The following INTS4 variants were observed in gnomAD, a reference collection of about 807,000 sequenced individuals.
INTS4 encodes MSTP093.
In INTS4, 70 loss-of-function variants were observed where a neutral mutation model predicts 119.5. The observed-to-expected ratio is 0.59, with a 90% CI of 0.48 to 0.71. The LOEUF is 0.71. INTS4 is among the 30% of genes least tolerant of loss of function. The pLI, the probability that INTS4 is intolerant of heterozygous loss-of-function variation, is 0.00. For missense variants in INTS4, 867 were observed against 1,173.2 expected, an observed-to-expected ratio of 0.74 and a Z score of 3.81; for synonymous variants, 316 against 419.6, an observed-to-expected ratio of 0.75 and a Z score of 3.02.
intron 2 of INTS4, among the ~76,000 whole-genome samples, chr11:77,985,274 G>A (rs1338432884): frequency 2.0e-5 from 3 of 152,048 alleles, no homozygotes; most frequent in Non-Finnish European, 4.4e-5. Flanking sequence ...AGAATACAAG[G>A]CCCTTTAGAA....
chr11:77,990,368 G>A (rs1166776824), intron 2 of INTS4, among the ~76,000 whole-genome samples: 1 of 152,122 alleles, frequency 6.6e-6, no homozygotes, highest in Non-Finnish European at 1.5e-5. Flanking sequence ...TCTAGGCTGG[G>A]TGACAGTGAG....
At position 77,963,352 on chromosome 11, in the gene INTS4, C is replaced by CAAAAAAAAA. The variant is rs777966254; in HGVS notation, c.472-2223_472-2215dup. The CAAAAAAAAA allele has an allele frequency of 3.3e-3, 589 of 176,652 alleles. 4 individuals carry two copies. Among genetic ancestry groups the CAAAAAAAAA allele is most frequent in the Middle Eastern group, 6.4e-3 (3 of 472 alleles). The allele number at this position is 176,652 out of a possible 1,614,324, so 10.9% of individuals were successfully genotyped here. On this transcript the variant is annotated intron_variant, in intron 4 of 22. Coordinates refer to ENST00000534064, the MANE Select transcript of INTS4 (RefSeq NM_033547.4). ...CCGGGCGCAGAACGAGACTCCGTCT[C>CAAAAAAAAA]AAAAAAAAAAAAAAAAAAAAAACAA...
intron 8 of INTS4, among the ~76,000 whole-genome samples, chr11:77,954,946 T>C (rs1954283041): frequency 6.6e-6 from 1 of 152,222 alleles, no homozygotes; most frequent in African/African-American, 2.4e-5. Context: ...GCTCCGGCTA[T>C]CTTAATTCCT....
At chr11:77,881,467 G>A (rs1412280196) in intron 22 of INTS4, among the ~76,000 whole-genome samples, 2 of 152,176 alleles carry the variant, frequency 1.3e-5, no homozygotes, top group Non-Finnish European at 2.9e-5. Flanking sequence ...GCCCCAAACC[G>A]GAAGGGACAT....
At chr11:77,981,410 G>C (rs1245006071) in intron 3 of INTS4, 49 bp downstream of exon 3, 5 of 888,270 alleles carry the variant, frequency 5.6e-6, no homozygotes, top group Non-Finnish European at 8.3e-6. Context: ...TATACAAAAA[G>C]AACTAAATAT....
intron 13 of INTS4, 133 bp downstream of exon 13, chr11:77,922,221 CTG>C: frequency 1.9e-6 from 2 of 1,071,148 alleles, no homozygotes; most frequent in Non-Finnish European, 2.5e-6. Context: ...GAATGAGACT[CTG>C]TCTTCAAAAA....
intron 21 of INTS4, among the ~76,000 whole-genome samples, chr11:77,890,933 C>T (rs1952235053): frequency 6.6e-6 from 1 of 152,118 alleles, no homozygotes; most frequent in African/African-American, 2.4e-5. Flanking sequence ...ATCTGCCAGC[C>T]GACTGACTCA....
At chr11:77,972,978 C>T (rs886989920) in intron 4 of INTS4, among the ~76,000 whole-genome samples, 1 of 151,764 alleles carries the variant, frequency 6.6e-6, no homozygotes, top group African/African-American at 2.4e-5. Flanking sequence ...ATAGCGGAGA[C>T]AACAGGCAAG....
rs1349717931 is a variant in INTS4, at chr11:77,891,784, T to A, written c.2345A>T (p.Asp782Val). ...GGATGTCATGAGTCGGGGCATAAGG[T>A]CAAGGAGTTTGTCCACAAAGCTGTC... ...LQDSFVDKLL[D>V]LMPRLMTSKP... Residue 782 changes from aspartate (D) to valine (V), a missense_variant, in exon 20 of 23, where the codon GAC (aspartate) becomes GTC (valine). Coordinates refer to ENST00000534064, the MANE Select transcript of INTS4 (RefSeq NM_033547.4). The A allele has an allele frequency of 9.3e-6, 15 of 1,611,922 alleles. No individual in the cohort carries two copies. Among genetic ancestry groups the A allele is most frequent in the Non-Finnish European group, 1.3e-5 (15 of 1,179,834 alleles).
At position 77,921,487 on chromosome 11, in the gene INTS4, G is replaced by C. The variant is rs1162898318; in HGVS notation, c.1631-14C>G. ...AAACTGCAATATCTGATAGATGACTGGGTTAAGTAAACTTGGAAGTATAAA... is the reference window on the plus strand; with the variant it reads ...AAACTGCAATATCTGATAGATGACTCGGTTAAGTAAACTTGGAAGTATAAA... On this transcript the variant is annotated splice_polypyrimidine_tract_variant and intron_variant, in intron 13 of 22. Transcript: ENST00000534064. 6.3e-7 allele frequency: 1 copy of C among 1,589,080 alleles called. No individual in the cohort carries two copies. The highest frequency in any genetic ancestry group is 1.7e-5 in the Admixed American group (1 of 59,810).
In INTS4 at chr11:77,928,382, A is replaced by C. The variant is rs1953562359; in HGVS notation, c.1331T>G (p.Leu444Arg). 1 of 1,612,922 alleles carries C rather than the reference A, an allele frequency of 6.2e-7. No homozygotes were observed. The highest frequency in any genetic ancestry group is 8.5e-7 in the Non-Finnish European group (1 of 1,179,334). Residue 444 changes from leucine to arginine, a missense_variant, in exon 11 of 23, where the codon CTC (leucine) becomes CGC (arginine). This residue lies in a region of INTS4 where 208 missense variants were observed against 306.6 expected (regional missense o/e 0.68). Coordinates refer to ENST00000534064, the MANE Select transcript of INTS4 (RefSeq NM_033547.4). ...TMRKISNNITLREDQLDTVLA... is the reference protein window; with the variant it reads ...TMRKISNNITRREDQLDTVLA... ...GACAGTGTCAAGCTGATCTTCTCGG[A>C]GGGTGATGTTGTTAGAGATTTTTCT... is the stretch of plus-strand genomic sequence containing the variant.
intron 10 of INTS4, among the ~76,000 whole-genome samples, chr11:77,932,440 T>C (rs1285513253): frequency 6.6e-6 from 1 of 152,102 alleles, no homozygotes; most frequent in Non-Finnish European, 1.5e-5. Context: ...TGGCGATCAT[T>C]AAAAAGTCAG....
At chr11:77,936,570 T>C (rs1953795880) in intron 10 of INTS4, among the ~76,000 whole-genome samples, 1 of 152,124 alleles carries the variant, frequency 6.6e-6, no homozygotes, top group Non-Finnish European at 1.5e-5. Flanking sequence ...TTTGTAGAGA[T>C]AGGGTCTCCT....
chr11:77,907,238 C>T (rs1027578677), intron 16 of INTS4, among the ~76,000 whole-genome samples: 1 of 152,116 alleles, frequency 6.6e-6, no homozygotes, highest in African/African-American at 2.4e-5. Context: ...CCACACCTGC[C>T]TACTTTAAAT....
intron 9 of INTS4, among the ~76,000 whole-genome samples, chr11:77,939,813 C>T (rs547325684): frequency 6.6e-6 from 1 of 151,616 alleles, no homozygotes; most frequent in Non-Finnish European, 1.5e-5. Context: ...CCACTGCACT[C>T]CAGCCTGGGC....
At chr11:77,975,399 C>A (rs1189795470) in intron 4 of INTS4, among the ~76,000 whole-genome samples, 1 of 151,758 alleles carries the variant, frequency 6.6e-6, no homozygotes, top group African/African-American at 2.4e-5. Context: ...TTCCTGTTAA[C>A]TAATTTATAA....
At chr11:77,987,678 C>G (rs1490036876) in intron 2 of INTS4, 5 of 448,628 alleles carry the variant, frequency 1.1e-5, no homozygotes, top group Non-Finnish European at 2.2e-5. Context: ...CCAGCCTGGG[C>G]AACACAGAGA....
intron 8 of INTS4, among the ~76,000 whole-genome samples, chr11:77,946,247 G>C (rs1168534301): frequency 6.6e-6 from 1 of 152,156 alleles, no homozygotes; most frequent in African/African-American, 2.4e-5. Flanking sequence ...AAGCTGACAA[G>C]GATTATTACA....
At chr11:77,954,914 T>A (rs182115492) in intron 8 of INTS4, among the ~76,000 whole-genome samples, 121 of 152,294 alleles carry the variant, frequency 7.9e-4, no homozygotes, top group Middle Eastern at 3.4e-3. Flanking sequence ...ACTTTTTTTT[T>A]ATTGTTTTCC....
Sources: gnomAD v4.1 joint callset for allele counts (sites outside exome capture counted in the v4.1 genomes callset) on GRCh38, gnomAD v4.1.1 for gene constraint, gnomAD v4.1.1 regional missense constraint, MANE v1.5 for transcripts, NCBI Gene and HGNC (gene_info 2026-07-23, HGNC 2026-07-21) for gene names.